Variants in GPC6 observed in about 807,000 individuals in gnomAD.
GPC6 encodes glypican-6.
Under a neutral mutation model 55.2 loss-of-function variants are expected in GPC6, and 14 were observed. The ratio of observed to expected loss-of-function variants is 0.25; its 90% CI spans 0.17 to 0.40. GPC6 has a LOEUF of 0.40. GPC6 is among the 10% of genes least tolerant of loss of function. The probability of loss-of-function intolerance (pLI) is 1.00; values close to 1 mark genes in which losing one functional copy is unlikely to be tolerated. For missense variants in GPC6, 641 were observed against 708.5 expected, an observed-to-expected ratio of 0.90 and a Z score of 1.08; for synonymous variants, 278 against 259.6, an observed-to-expected ratio of 1.07 and a Z score of -0.68.
chr13:93,401,689 CTTTT>C (rs4001853), intron 1 of GPC6, among the ~76,000 whole-genome samples: 1,277 of 64,466 alleles, frequency 0.02, 24 homozygotes, highest in African/African-American at 0.061. Flanking sequence ...CATGAATGGA[CTTTT>C]TTTTTTTTTT....
chr13:93,354,516 A>ATT (rs1348081980), intron 1 of GPC6, among the ~76,000 whole-genome samples: 2 of 98,030 alleles, frequency 2.0e-5, no homozygotes, highest in African/African-American at 9.3e-5. Context: ...ACACTCGGCT[A>ATT]TTATTTTTTT....
At chr13:94,359,221 A>G (rs1055975765) in intron 6 of GPC6, among the ~76,000 whole-genome samples, 1 of 152,172 alleles carries the variant, frequency 6.6e-6, no homozygotes, top group Non-Finnish European at 1.5e-5. Flanking sequence ...TTGAAAAAGA[A>G]GGTCGGTTTT....
At chr13:93,500,600 T>G (rs1299965095) in intron 1 of GPC6, among the ~76,000 whole-genome samples, 1 of 152,176 alleles carries the variant, frequency 6.6e-6, no homozygotes, top group Non-Finnish European at 1.5e-5. Flanking sequence ...TCTTCAACAT[T>G]AACTCGTATG....
intron 1 of GPC6, among the ~76,000 whole-genome samples, chr13:93,474,612 A>C (rs1030516446): frequency 6.6e-6 from 1 of 152,124 alleles, no homozygotes; most frequent in Admixed American, 6.5e-5. Context: ...CCCAGGATAT[A>C]CTGGAGGGAA....
intron 1 of GPC6, among the ~76,000 whole-genome samples, chr13:93,441,005 C>G (rs1337786153): frequency 6.6e-6 from 1 of 152,122 alleles, no homozygotes; most frequent in African/African-American, 2.4e-5. Context: ...TCATCCATGT[C>G]CCTACAAAGG....
chr13:94,211,345 G>A (rs1412939), intron 4 of GPC6, among the ~76,000 whole-genome samples: 106,420 of 152,054 alleles, frequency 0.7, 37,302 homozygotes, highest in East Asian at 0.8. Context: ...TTAAGTGCCT[G>A]AAGATTTATG....
chr13:93,385,868 T>C (rs1019088338), intron 1 of GPC6, among the ~76,000 whole-genome samples: 9 of 152,080 alleles, frequency 5.9e-5, no homozygotes, highest in African/African-American at 1.9e-4. Flanking sequence ...TCAATTCGTA[T>C]GATTCGACCC....
chr13:93,968,232 G>A (rs1880135061), intron 3 of GPC6, among the ~76,000 whole-genome samples: 1 of 151,778 alleles, frequency 6.6e-6, no homozygotes, highest in Admixed American at 6.6e-5. Context: ...AAGAGTGCAG[G>A]GCATTAATAA....
At chr13:93,680,661 A>G (rs1389307254) in intron 2 of GPC6, among the ~76,000 whole-genome samples, 1 of 152,142 alleles carries the variant, frequency 6.6e-6, no homozygotes, top group Non-Finnish European at 1.5e-5. Flanking sequence ...TAACGCTTAT[A>G]TGGTCCAGTC....
intron 4 of GPC6, among the ~76,000 whole-genome samples, chr13:94,108,508 C>A (rs1374953178): frequency 6.6e-6 from 1 of 152,068 alleles, no homozygotes; most frequent in African/African-American, 2.4e-5. Flanking sequence ...CAAATGCCAC[C>A]TATTCCCCAA....
intron 1 of GPC6, chr13:93,395,934 C>T (rs1470000872): frequency 6.6e-6 from 1 of 152,174 alleles, no homozygotes; most frequent in Admixed American, 6.5e-5. Context: ...ATTTTCCAAG[C>T]TAAAGGAAGA....
At chr13:93,621,904 T>A (rs1299284572) in intron 2 of GPC6, among the ~76,000 whole-genome samples, 1 of 152,194 alleles carries the variant, frequency 6.6e-6, no homozygotes, top group Non-Finnish European at 1.5e-5. Context: ...TTTTGAAATA[T>A]GCAATACACT....
At chr13:93,503,144 A>G (rs1165519087) in intron 1 of GPC6, among the ~76,000 whole-genome samples, 2 of 151,734 alleles carry the variant, frequency 1.3e-5, no homozygotes, top group Non-Finnish European at 2.9e-5. Context: ...ACTACTAGTT[A>G]TCAATTCATG....
intron 1 of GPC6, among the ~76,000 whole-genome samples, chr13:93,442,485 A>G (rs1390772058): frequency 1.3e-5 from 2 of 152,188 alleles, no homozygotes; most frequent in East Asian, 1.9e-4. Context: ...ATACAATTTT[A>G]TATCATCCTT....
At chr13:93,364,329 A>C (rs1305600345) in intron 1 of GPC6, among the ~76,000 whole-genome samples, 1 of 152,100 alleles carries the variant, frequency 6.6e-6, no homozygotes, top group Non-Finnish European at 1.5e-5. Flanking sequence ...CTGAACAGTA[A>C]AGTTCATGGA....
intron 4 of GPC6, among the ~76,000 whole-genome samples, chr13:94,031,437 T>C (rs1883134467): frequency 6.6e-6 from 1 of 152,180 alleles, no homozygotes; most frequent in Non-Finnish European, 1.5e-5. Context: ...CAGATTCCAC[T>C]TGCTGCATCC....
chr13:94,100,386 A>G (rs1885814988), intron 4 of GPC6, among the ~76,000 whole-genome samples: 1 of 152,188 alleles, frequency 6.6e-6, no homozygotes, highest in African/African-American at 2.4e-5. Flanking sequence ...CAAACATACT[A>G]TTTTCCTTTA....
At chr13:93,861,316 A>G (rs1423667211) in intron 3 of GPC6, among the ~76,000 whole-genome samples, 4 of 151,538 alleles carry the variant, frequency 2.6e-5, no homozygotes, top group African/African-American at 9.7e-5. Flanking sequence ...ATAAATGAAT[A>G]AGACATTCAT....
intron 3 of GPC6, among the ~76,000 whole-genome samples, chr13:93,904,900 A>G (rs1459213131): frequency 6.6e-6 from 1 of 150,448 alleles, no homozygotes; most frequent in Non-Finnish European, 1.5e-5. Context: ...AGCATTAGGT[A>G]TATCTCCCAA....
Sources: allele counts gnomAD v4.1 joint callset (sites outside exome capture counted in the v4.1 genomes callset), GRCh38; gene constraint gnomAD v4.1.1; transcripts MANE v1.5; gene names NCBI Gene and HGNC (gene_info 2026-07-23, HGNC 2026-07-21).